MOGAT3: variants seen among roughly 807,000 people sequenced by gnomAD.
MOGAT3 encodes monoacylglycerol O-acyltransferase 3.
MOGAT3 carries 39 observed loss-of-function variants against 34.4 expected under a neutral mutation model. That is an observed-to-expected ratio of 1.13 (90% CI 0.88 to 1.48). The LOEUF is 1.48. Ranked by LOEUF, MOGAT3 falls within the 40% of genes most tolerant of loss-of-function variation. The pLI is 0.00. For synonymous variants in MOGAT3, 209 were observed against 179.2 expected, an observed-to-expected ratio of 1.17 and a Z score of -1.33; for missense variants, 439 against 438.9, an observed-to-expected ratio of 1.00 and a Z score of 0.00.
chr7:101,198,260 G>A lies in MOGAT3; in HGVS notation c.599C>T (p.Ser200Leu). The A allele has an allele frequency of 6.2e-7, 1 of 1,613,316 alleles. No individual in the cohort carries two copies. The change falls in exon 5 of 7, where the codon TCA becomes TTA. Residue 200 changes from serine to leucine, a missense_variant. By Grantham distance (145) the Ser-to-Leu change is moderately radical (BLOSUM62 -2). Coordinates refer to ENST00000223114, the MANE Select transcript of MOGAT3 (RefSeq NM_178176.4). ...MVGGAHEALY[S>L]VPGEHCLTLQ... ...CGTAAGGCAGTGCTCCCCGGGGACT[G>A]AATACAGGGCCTCGTGCGCACCCCC...
chr7:101,198,158 GA>G (rs768391980), intron 5 of MOGAT3, 32 bp downstream of exon 5: 1 of 1,583,702 alleles, frequency 6.3e-7, no homozygotes, highest in East Asian at 2.3e-5. Flanking sequence ...AACCAGCAGA[GA>G]ACTGACAGGT....
chr7:101,200,984 A>G lies in MOGAT3; in HGVS notation c.-130T>C. The G allele has an allele frequency of 1.5e-6, 1 of 656,012 alleles. No homozygotes were observed. The highest frequency in any genetic ancestry group is 2.7e-6 in the Non-Finnish European group (1 of 377,052). The allele number at this position is 656,012 out of a possible 1,614,324, so 40.6% of individuals were successfully genotyped here. A position where few individuals can be genotyped will look rare whatever the true frequency, so the allele number is the denominator to read the frequency against. On this transcript the variant is annotated 5_prime_UTR_variant, in exon 1 of 7. Coordinates refer to ENST00000223114, the MANE Select transcript of MOGAT3 (RefSeq NM_178176.4). ...TGGGGGCCTGGCTAAGTCGCAAATC[A>G]CCTCCCAGAGTAGCGTGTGTCCGTA...
rs547301901 is a variant in MOGAT3 at position 101,196,036 on chromosome 7, G to A, written c.936C>T (p.His312=). ...GCTCCAGGGCCGTCATGTAGAGGGC[G>A]TGATAGTGATTGACTTCCTCCTCGG... is the stretch of plus-strand genomic sequence containing the variant. The part of the protein sequence containing the change: ...HPTEEEVNHY[H]ALYMTALEQL... The change falls in exon 7 of 7, where the codon CAC becomes CAT. Residue 312 remains histidine (H), a synonymous_variant. Coordinates refer to ENST00000223114, the MANE Select transcript of MOGAT3 (RefSeq NM_178176.4). 84 of 1,614,062 alleles carry A rather than the reference G, an allele frequency of 5.2e-5. 1 individual carries two copies. In the East Asian group the frequency reaches 1.4e-3, roughly 26 times the overall value.
At chr7:101,199,942 A>T (rs1797906501) in intron 3 of MOGAT3, among the ~76,000 whole-genome samples, 1 of 151,898 alleles carries the variant, frequency 6.6e-6, no homozygotes. Context: ...AAACTACAAA[A>T]ATTAGCCAGG....
downstream of MOGAT3, among the ~76,000 whole-genome samples, chr7:101,193,398 T>C (rs927164442): frequency 2.0e-5 from 3 of 152,242 alleles, no homozygotes; most frequent in East Asian, 3.9e-4. Context: ...CAGGCCGAGG[T>C]TGCTCAAACC....
Position 101,198,280 on chromosome 7 carries a change from A to T in MOGAT3, c.579T>A (p.Gly193=). The stretch of plus-strand genomic sequence containing the variant: ...GGACTGAATACAGGGCCTCGTGCGC[A>T]CCCCCCACCATGATGACCACGGCCT... ...LGQAVVIMVG[G]AHEALYSVPG... Residue 193 remains glycine, a synonymous_variant, in exon 5 of 7, where the codon GGT becomes GGA. Transcript: ENST00000223114. 6.2e-7 allele frequency: 1 copy of T among 1,608,664 alleles called. No individual in the cohort carries two copies. Among genetic ancestry groups the T allele is most frequent in the Non-Finnish European group, 8.5e-7 (1 of 1,176,998 alleles).
In MOGAT3 at chr7:101,195,236, A is replaced by T. The variant is rs1797747807; in HGVS notation, c.*710T>A. The T allele has an allele frequency of 1.3e-5, 2 of 150,408 alleles. No homozygotes were observed. The highest frequency in any genetic ancestry group is 4.2e-4 in the South Asian group (2 of 4,788). 9.3% of individuals were successfully genotyped at this position (150,408 alleles called of 1,614,324 possible). Reference sequence around the variant, plus strand: ...TTAACAACATTTTTTTTTTTTTGAGATGGAATCTCGCTCTGTTGCCCAGAC... The same window carrying T: ...TTAACAACATTTTTTTTTTTTTGAGTTGGAATCTCGCTCTGTTGCCCAGAC... On this transcript the variant is annotated 3_prime_UTR_variant, in exon 7 of 7. Transcript: ENST00000223114.
At chr7:101,200,331 GA>G (rs758712391) in intron 2 of MOGAT3, 27 bp from the exon 3 acceptor site, 471 of 1,612,846 alleles carry the variant, frequency 2.9e-4, no homozygotes, top group Non-Finnish European at 1.5e-4. Context: ...ACTGGTGGAC[GA>G]ACCCCCGGAG....
intron 3 of MOGAT3, among the ~76,000 whole-genome samples, chr7:101,199,630 T>G (rs1311910607): frequency 8.7e-4 from 132 of 151,126 alleles, no homozygotes; most frequent in Non-Finnish European, 1.4e-3. Flanking sequence ...TTTTTTTTTT[T>G]TTTAGAGACG....
intron 5 of MOGAT3, among the ~76,000 whole-genome samples, chr7:101,196,623 T>A (rs144335422): frequency 1.1e-4 from 16 of 152,246 alleles, no homozygotes; most frequent in African/African-American, 3.8e-4. Context: ...AATCCCAGCA[T>A]TTTGGGAGGC....
rs747184031 is a variant in MOGAT3 at position 101,198,355 on chromosome 7, C to T, written c.504G>A (p.Pro168=). 1 of 1,551,322 alleles carries T rather than the reference C, an allele frequency of 6.4e-7. No homozygotes were observed. Among genetic ancestry groups the T allele is most frequent in the Non-Finnish European group, 8.7e-7 (1 of 1,146,382 alleles). The change falls in exon 5 of 7, where the codon CCG becomes CCA. Residue 168 remains proline (P), a synonymous_variant. Transcript: ENST00000223114. ...TGAAGTCCAGGCTCTGGCGGCTCAC[C>T]GGACAGAGTCCTGTGGGCAGGAGGA... The part of the protein sequence containing the change: ...RDYIMSFGLC[P]VSRQSLDFIL...
intron 5 of MOGAT3, 30 bp downstream of exon 5, chr7:101,198,161 C>A: frequency 6.3e-7 from 1 of 1,586,148 alleles, no homozygotes; most frequent in Non-Finnish European, 8.6e-7. Context: ...CAGCAGAGAA[C>A]TGACAGGTAG....
chr7:101,200,562 C>T, intron 1 of MOGAT3, 47 bp from the exon 2 acceptor site: 1 of 1,466,408 alleles, frequency 6.8e-7, no homozygotes, highest in Non-Finnish European at 9.3e-7. Flanking sequence ...GAAACTCCAT[C>T]ATTCCCTCCA....
chr7:101,194,743 C>T (rs865784372), downstream of MOGAT3, among the ~76,000 whole-genome samples: 1 of 152,004 alleles, frequency 6.6e-6, no homozygotes, highest in East Asian at 1.9e-4. Flanking sequence ...CCTCGTGATC[C>T]GCCCGCCTCA....
chr7:101,194,622 C>T (rs1287950694), downstream of MOGAT3, among the ~76,000 whole-genome samples: 9 of 150,818 alleles, frequency 6.0e-5, no homozygotes, highest in Non-Finnish European at 8.8e-5. Flanking sequence ...CCTGCCTCAA[C>T]CTCTCAGTAG....
chr7:101,200,654 C>T (rs1797932443), intron 1 of MOGAT3, 92 bp downstream of exon 1: 1 of 1,319,086 alleles, frequency 7.6e-7, no homozygotes, highest in South Asian at 1.3e-5. Context: ...TGGTCACTGT[C>T]CTCAGGCATG....
chr7:101,199,833 G>A (rs1336221487), intron 3 of MOGAT3, among the ~76,000 whole-genome samples: 1 of 151,014 alleles, frequency 6.6e-6, no homozygotes, highest in Non-Finnish European at 1.5e-5. Context: ...GTGGCTCAAG[G>A]CTGTAATCCC....
chr7:101,197,551 G>A (rs1797824474), intron 5 of MOGAT3, among the ~76,000 whole-genome samples: 1 of 152,032 alleles, frequency 6.6e-6, no homozygotes, highest in African/African-American at 2.4e-5. Flanking sequence ...TTCTCATTCG[G>A]TCTTTGCAAT....
chr7:101,195,737 G>T lies in MOGAT3; in HGVS notation c.*209C>A. On this transcript the variant is annotated 3_prime_UTR_variant, in exon 7 of 7. Coordinates refer to ENST00000223114, the MANE Select transcript of MOGAT3 (RefSeq NM_178176.4). ...ACAACATTATTTTTTAATTTTTGTA[G>T]AAATGAAGTCTCACTGTGTTGCCCA... The T allele has an allele frequency of 3.5e-6, 2 of 578,588 alleles. No homozygotes were observed. The highest frequency in any genetic ancestry group is 2.2e-5 in the South Asian group (1 of 46,214). 35.8% of individuals were successfully genotyped at this position (578,588 alleles called of 1,614,324 possible).
Sources: gnomAD v4.1 joint callset for allele counts (sites outside exome capture counted in the v4.1 genomes callset) on GRCh38, gnomAD v4.1.1 for gene constraint, MANE v1.5 for transcripts, NCBI Gene and HGNC (gene_info 2026-07-23, HGNC 2026-07-21) for gene names.